The following FRY variants were observed in gnomAD, a reference collection of about 807,000 sequenced individuals.
FRY encodes the protein protein furry homolog.
Under a neutral mutation model 348.4 loss-of-function variants are expected in FRY, and 128 were observed. The ratio of observed to expected loss-of-function variants is 0.37; its 90% confidence interval spans 0.32 to 0.43. The LOEUF (loss-of-function observed/expected upper bound fraction) is 0.43. Ranked by LOEUF, FRY falls within the 20% of genes least tolerant of loss-of-function variation. The pLI is 1.00. For missense variants in FRY, 2,736 were observed against 3,695.2 expected (o/e 0.74, Z 6.73); for synonymous variants, 1,370 against 1,374.7 (o/e 1.00, Z 0.08).
At chr13:32,288,805 A>T (rs976752862) in intron 58 of FRY, among the ~76,000 whole-genome samples, 2 of 152,220 alleles carry the variant, frequency 1.3e-5, no homozygotes, top group African/African-American at 4.8e-5. Context: ...ACAGAATCCC[A>T]TCCACTCACT....
chr13:32,067,346 A>G (rs914700081), intron 1 of FRY, among the ~76,000 whole-genome samples: 1 of 149,156 alleles, frequency 6.7e-6, no homozygotes, highest in African/African-American at 2.6e-5. Flanking sequence ...TCAGACTTTC[A>G]GTTCGTTTTT....
chr13:32,276,562 T>G lies in FRY; in HGVS notation c.8385T>G (p.Ser2795=), dbSNP rs753519561. 1 of 1,506,984 alleles carries G rather than the reference T, an allele frequency of 6.6e-7. No individual in the cohort carries two copies. The highest frequency in any genetic ancestry group is 1.7e-5 in the Admixed American group (1 of 59,896). The allele number at this position is 1,506,984 out of a possible 1,614,324, so 93.4% of individuals were successfully genotyped here. A position where few individuals can be genotyped will look rare whatever the true frequency, so the allele number is the denominator to read the frequency against. The change falls in exon 57 of 61, where the codon TCT becomes TCG. Residue 2795 remains serine (S), a splice_region_variant and synonymous_variant. Transcript: ENST00000542859. ...TYNNRKEATL[S]WLANCKATFA... is the part of the protein sequence containing the mutation. The stretch of plus-strand genomic sequence containing the variant: ...ACAACAGGAAAGAGGCCACACTCTC[T>G]GTAAGCTTTTGTGTTTCTATGCATA...
chr13:32,136,902 G>C lies in FRY; in HGVS notation c.1109G>C (p.Cys370Ser). Residue 370 changes from cysteine (C) to serine (S), a missense_variant, in exon 11 of 61, where the codon TGT becomes TCT. Cys to Ser is a moderately radical substitution (Grantham distance 112). Around this residue, in one of 9 missense-constraint regions of FRY, gnomAD observed 191 missense variants for 370.2 expected, o/e 0.52. Transcript: ENST00000542859. ...ALYPLVTCLL[C>S]VSQKQLFLNR... ...TACCCCCTGGTGACCTGTTTGCTCTGTGTCAGTCAGAAGCAGCTGTTCCTG... is the reference window on the plus strand; with the variant it reads ...TACCCCCTGGTGACCTGTTTGCTCTCTGTCAGTCAGAAGCAGCTGTTCCTG... The C allele has an allele frequency of 6.2e-7, 1 of 1,609,840 alleles. No homozygotes were observed. The highest frequency in any genetic ancestry group is 2.2e-5 in the East Asian group (1 of 44,862).
intron 1 of FRY, among the ~76,000 whole-genome samples, chr13:32,071,805 A>G (rs1406069161): frequency 6.6e-6 from 1 of 152,248 alleles, no homozygotes; most frequent in Non-Finnish European, 1.5e-5. Context: ...GTGATCTGCT[A>G]TACAATTGTA....
chr13:32,184,949 TA>T (rs1403066561), intron 25 of FRY, 26 bp from the exon 26 acceptor site: 2 of 1,601,856 alleles, frequency 1.2e-6, no homozygotes, highest in Non-Finnish European at 1.7e-6. Context: ...ACTGATCATC[TA>T]AAAGTTTCAT....
At chr13:32,192,591 T>A (rs1390276982) in intron 28 of FRY, among the ~76,000 whole-genome samples, 1 of 152,122 alleles carries the variant, frequency 6.6e-6, no homozygotes, top group Non-Finnish European at 1.5e-5. Flanking sequence ...AGGTTGAAGA[T>A]GTTTGACCAT....
chr13:32,037,710 A>G (rs1372482329), intron 1 of FRY, among the ~76,000 whole-genome samples: 1 of 152,252 alleles, frequency 6.6e-6, no homozygotes, highest in African/African-American at 2.4e-5. Context: ...CTGATATAAC[A>G]TGCAAAGATT....
intron 41 of FRY, among the ~76,000 whole-genome samples, chr13:32,231,664 G>A (rs1451947798): frequency 6.6e-6 from 1 of 152,170 alleles, no homozygotes; most frequent in African/African-American, 2.4e-5. Context: ...ATGGCTGGTT[G>A]AATGGTCAAA....
intron 46 of FRY, among the ~76,000 whole-genome samples, chr13:32,243,442 A>G (rs1886616703): frequency 6.6e-6 from 1 of 152,220 alleles, no homozygotes; most frequent in Non-Finnish European, 1.5e-5. Context: ...ACATTCCTAA[A>G]AGTATAATTA....
At chr13:32,171,372 C>T (rs529482124) in intron 18 of FRY, 102 bp downstream of exon 18, 236 of 1,017,636 alleles carry the variant, frequency 2.3e-4, no homozygotes, top group East Asian at 5.3e-5. Flanking sequence ...AGTGCAGTGG[C>T]GCGATCTTGA....
intron 55 of FRY, 106 bp from the exon 56 acceptor site, chr13:32,274,736 A>G: frequency 2.9e-6 from 2 of 683,656 alleles, no homozygotes; most frequent in South Asian, 3.2e-5. Context: ...AAAATCAGTT[A>G]ATGTAATTGG....
At chr13:32,150,187 T>A (rs1209226583) in intron 14 of FRY, among the ~76,000 whole-genome samples, 1 of 152,122 alleles carries the variant, frequency 6.6e-6, no homozygotes, top group Non-Finnish European at 1.5e-5. Context: ...CGGGAAGTGA[T>A]GAAATAGAGA....
intron 11 of FRY, 27 bp downstream of exon 11, chr13:32,136,999 T>A: frequency 7.7e-7 from 1 of 1,290,782 alleles, no homozygotes; most frequent in Non-Finnish European, 1.1e-6. Context: ...TCAAAAACGA[T>A]CTCTTTAAAA....
Position 32,239,864 on chromosome 13 carries a change from G to C in FRY, c.6670G>C (p.Val2224Leu). 1 of 1,613,814 alleles carries C rather than the reference G, an allele frequency of 6.2e-7. No homozygotes were observed. Among genetic ancestry groups the C allele is most frequent in the Non-Finnish European group, 8.5e-7 (1 of 1,179,896 alleles). Residue 2224 changes from valine (V) to leucine (L), a missense_variant, in exon 46 of 61, where the codon GTT becomes CTT. Physicochemically the swap from Val to Leu is conservative, Grantham distance 32. Transcript: ENST00000542859. The surrounding 1 kb of genome is among the most constrained non-coding windows in gnomAD (Gnocchi z 4.3). ...EAYADITLNMVTYLAELLEKG... is the reference protein window; with the variant it reads ...EAYADITLNMLTYLAELLEKG... ...ATATGCTGACATTACCTTGAATATG[G>C]TTACCTACCTGGCAGAGGTAAGCTT...
In FRY at chr13:32,237,430, G is replaced by C; in HGVS notation, c.5862G>C (p.Lys1954Asn). 1 of 1,613,942 alleles carries C rather than the reference G, an allele frequency of 6.2e-7. No homozygotes were observed. The highest frequency in any genetic ancestry group is 8.5e-7 in the Non-Finnish European group (1 of 1,179,992). The change falls in exon 44 of 61, where the codon AAG becomes AAC. Residue 1954 changes from lysine (K) to asparagine (N), a missense_variant. By Grantham distance (94) the Lys-to-Asn change is moderately conservative. This residue lies in a region of FRY where 794 missense variants were observed against 977.0 expected (regional missense o/e 0.81). Transcript: ENST00000542859. The surrounding 1 kb of genome is among the most constrained non-coding windows in gnomAD (Gnocchi z 6.3). ...GCAGTAAACTAACAGCAAGCAGAAA[G>C]AGCACAGGACAACTAAACATGAACC... ...SSSSKLTASR[K>N]STGQLNMNPG...
At chr13:32,031,997 T>TC (rs768015735) in intron 1 of FRY, 132 bp downstream of exon 1, 13 of 529,042 alleles carry the variant, frequency 2.5e-5, no homozygotes, top group African/African-American at 1.6e-4. Flanking sequence ...TTCTTTTCTT[T>TC]TCTCTTTCTT....
At chr13:32,179,980 T>C (rs987969695) in intron 23 of FRY, among the ~76,000 whole-genome samples, 181 bp downstream of exon 23, 3 of 152,330 alleles carry the variant, frequency 2.0e-5, no homozygotes, top group African/African-American at 7.2e-5. Flanking sequence ...TGCAACTGCC[T>C]CTCCTGTCAC....
chr13:32,034,609 AC>A (rs1258365168), intron 1 of FRY, among the ~76,000 whole-genome samples: 1 of 152,132 alleles, frequency 6.6e-6, no homozygotes, highest in Non-Finnish European at 1.5e-5. Context: ...AGTGGTTCTC[AC>A]GGCTGCGGCC....
At position 32,261,633 on chromosome 13, in the gene FRY, T is replaced by C. The variant is rs1887653619; in HGVS notation, c.7434T>C (p.Asn2478=). ...GATTTCAGGGTGAGAGTATGGACAATTTCAACTGGGGAGTGCGCAGACGTT... is the reference window on the plus strand; with the variant it reads ...GATTTCAGGGTGAGAGTATGGACAACTTCAACTGGGGAGTGCGCAGACGTT... ...LEDGEGESMD[N]FNWGVRRRSL... is the part of the protein sequence containing the mutation. The change falls in exon 52 of 61, where the codon AAT becomes AAC. Residue 2478 remains asparagine (N), a synonymous_variant. Transcript: ENST00000542859. The C allele has an allele frequency of 6.2e-7, 1 of 1,614,096 alleles. No individual in the cohort carries two copies. Among genetic ancestry groups the C allele is most frequent in the Non-Finnish European group, 8.5e-7 (1 of 1,179,996 alleles).
Sources: allele counts gnomAD v4.1 joint callset (sites outside exome capture counted in the v4.1 genomes callset), GRCh38; gene constraint gnomAD v4.1.1; regional missense constraint gnomAD v4.1.1; non-coding constraint Gnocchi (gnomAD v3.1); transcripts MANE v1.5; gene names NCBI Gene and HGNC (gene_info 2026-07-23, HGNC 2026-07-21).